Variants in RCAN2 observed in about 807,000 individuals in gnomAD.
RCAN2 encodes calcipressin-2.
A neutral mutation model predicts 23.6 loss-of-function variants in RCAN2; 9 were observed. That is an observed-to-expected ratio of 0.38 (90% CI 0.23 to 0.67). RCAN2 has a LOEUF of 0.67. Ranked by LOEUF, RCAN2 falls within the 30% of genes least tolerant of loss-of-function variation. The probability of loss-of-function intolerance (pLI) is 0.51; values close to 1 mark genes in which losing one functional copy is unlikely to be tolerated. For missense variants in RCAN2, 273 were observed against 302.3 expected, an observed-to-expected ratio of 0.90 and a Z score of 0.72; for synonymous variants, 109 against 115.7, an observed-to-expected ratio of 0.94 and a Z score of 0.37.
At chr6:46,265,893 A>G (rs1001448709) in intron 2 of RCAN2, among the ~76,000 whole-genome samples, 4 of 152,226 alleles carry the variant, frequency 2.6e-5, no homozygotes, top group African/African-American at 9.6e-5. Flanking sequence ...CCTGTAGCAC[A>G]TGAGCATATG....
chr6:46,276,768 C>T (rs1463210987), intron 2 of RCAN2, among the ~76,000 whole-genome samples: 4 of 152,222 alleles, frequency 2.6e-5, no homozygotes, highest in Admixed American at 2.6e-4. Context: ...CTCTGGACTG[C>T]ATTAAATCAT....
intron 2 of RCAN2, among the ~76,000 whole-genome samples, chr6:46,453,882 ACT>A (rs1382386340): frequency 6.6e-6 from 1 of 152,180 alleles, no homozygotes; most frequent in Non-Finnish European, 1.5e-5. Flanking sequence ...AAAAGAAAAG[ACT>A]CTGCCAAAAC....
chr6:46,474,038 G>A (rs1013373236), intron 1 of RCAN2, among the ~76,000 whole-genome samples: 2 of 152,090 alleles, frequency 1.3e-5, no homozygotes, highest in African/African-American at 4.8e-5. Context: ...GATTATGCAG[G>A]GACACCCAGG....
rs181925163 is a variant in RCAN2 at position 46,407,442 on chromosome 6, G to A, written c.225+49310C>T. On this transcript the variant is annotated intron_variant, in intron 2 of 4. Coordinates refer to ENST00000371374, the MANE Select transcript of RCAN2 (RefSeq NM_001251974.2). Reference sequence around the variant, plus strand: ...AACATTTTTAAAACAGTTGTTTTACGCAAGTCCCCATGGAAAATTCCAAGC... The same window carrying A: ...AACATTTTTAAAACAGTTGTTTTACACAAGTCCCCATGGAAAATTCCAAGC... 9.2e-5 allele frequency among the ~76,000 whole-genome samples: 14 copies of A among 152,244 alleles called. No homozygotes were observed. The South Asian group carries it at 2.1e-3, about 23-fold the overall frequency.
chr6:46,395,418 C>T (rs1027656425), intron 2 of RCAN2, among the ~76,000 whole-genome samples: 1 of 152,070 alleles, frequency 6.6e-6, no homozygotes, highest in African/African-American at 2.4e-5. Context: ...GACGAACAAC[C>T]CATGTGTCTA....
intron 2 of RCAN2, among the ~76,000 whole-genome samples, chr6:46,296,311 A>G (rs926931635): frequency 1.3e-5 from 2 of 151,872 alleles, no homozygotes; most frequent in Non-Finnish European, 2.9e-5. Flanking sequence ...GTGGAGGGTC[A>G]TTCACTAGAT....
chr6:46,230,035 G>T (rs960034530), intron 4 of RCAN2, among the ~76,000 whole-genome samples: 3 of 152,158 alleles, frequency 2.0e-5, no homozygotes, highest in African/African-American at 7.2e-5. Context: ...GAGTTTGCTG[G>T]AGGTCCACTC....
rs57335093 is a variant in RCAN2, at chr6:46,458,896, C to CGCGCGCGT, written c.-2-1919_-2-1918insACGCGCGC. The stretch of plus-strand genomic sequence containing the variant: ...TAGTTTACAGGAAAACGCGCGCGCA[C>CGCGCGCGT]GTGTGTGTGTGTGTGATGGAGTTTT... On this transcript the variant is annotated intron_variant, in intron 1 of 4. Coordinates refer to ENST00000371374, the MANE Select transcript of RCAN2 (RefSeq NM_001251974.2). 6.4e-4 allele frequency among the ~76,000 whole-genome samples: 96 copies of CGCGCGCGT among 150,134 alleles called. 1 individual carries two copies. Among genetic ancestry groups the CGCGCGCGT allele is most frequent in the African/African-American group, 1.2e-3 (48 of 40,404 alleles).
intron 2 of RCAN2, among the ~76,000 whole-genome samples, chr6:46,335,784 C>T (rs1345051936): frequency 6.6e-6 from 1 of 152,154 alleles, no homozygotes; most frequent in Non-Finnish European, 1.5e-5. Context: ...TGGTGTGATA[C>T]CTACCTCTGT....
intron 2 of RCAN2, among the ~76,000 whole-genome samples, chr6:46,249,746 C>T (rs951592622): frequency 6.6e-6 from 1 of 152,052 alleles, no homozygotes; most frequent in Middle Eastern, 3.2e-3. Flanking sequence ...AGAAAGCCCT[C>T]GAGTAATTTT....
chr6:46,402,071 G>GA (rs1766262307), intron 2 of RCAN2, among the ~76,000 whole-genome samples: 1 of 152,274 alleles, frequency 6.6e-6, no homozygotes, highest in Admixed American at 6.5e-5. Context: ...AACAGTGCTT[G>GA]TTATTTGGGA....
At chr6:46,256,609 G>A (rs1395436361) in intron 2 of RCAN2, among the ~76,000 whole-genome samples, 1 of 152,048 alleles carries the variant, frequency 6.6e-6, no homozygotes. Context: ...TACGGACACA[G>A]GTATTTATTG....
At position 46,286,706 on chromosome 6, in the gene RCAN2, G is replaced by GA. The variant is rs1264130756; in HGVS notation, c.226-37811dup. 3.9e-5 allele frequency among the ~76,000 whole-genome samples: 6 copies of GA among 152,250 alleles called. No homozygotes were observed. In the East Asian group the frequency reaches 1.2e-3, roughly 29 times the overall value. ...AAGAACAGACATGCCCAGGCAGTTA[G>GA]AAAGAGCACTTCAAGGCCGGGAGTG... is the stretch of plus-strand genomic sequence containing the variant. On this transcript the variant is annotated intron_variant, in intron 2 of 4. Transcript: ENST00000371374.
In RCAN2 at chr6:46,246,813, G is replaced by T; in HGVS notation, c.506C>A (p.Pro169His). 6.2e-7 allele frequency: 1 copy of T among 1,613,614 alleles called. No individual in the cohort carries two copies. The highest frequency in any genetic ancestry group is 8.5e-7 in the Non-Finnish European group (1 of 1,179,800). Residue 169 changes from proline (P) to histidine (H), a missense_variant, in exon 4 of 5, where the codon CCC (proline) becomes CAC (histidine). By Grantham distance (77) the Pro-to-His change is moderately conservative. Transcript: ENST00000371374. ...GAGGACTGGCGTGGCATCGTTGATG[G>T]GCTGCCAGCCAACAGGTGGGGAGGA... Reference protein sequence around the residue: ...PPSSPPVGWQPINDATPVLNY... With the variant: ...PPSSPPVGWQHINDATPVLNY...
At chr6:46,455,905 A>AT (rs1768012114) in intron 2 of RCAN2, among the ~76,000 whole-genome samples, 1 of 151,506 alleles carries the variant, frequency 6.6e-6, no homozygotes, top group Non-Finnish European at 1.5e-5. Context: ...AGAAAAAAAA[A>AT]AGGCCCTTTA....
At chr6:46,247,438 C>T (rs1322805502) in intron 3 of RCAN2, among the ~76,000 whole-genome samples, 1 of 152,218 alleles carries the variant, frequency 6.6e-6, no homozygotes, top group Non-Finnish European at 1.5e-5. Flanking sequence ...GATCCAAGCT[C>T]TTTTCATCAC....
In RCAN2 at chr6:46,419,283, C is replaced by T. The variant is rs1036921137; in HGVS notation, c.225+37469G>A. On this transcript the variant is annotated intron_variant, in intron 2 of 4. Transcript: ENST00000371374. ...TTGTAAAGCATTTAATAGTATACCACTAGATAAGGCCCAACAACCTTTTTT... is the reference window on the plus strand; with the variant it reads ...TTGTAAAGCATTTAATAGTATACCATTAGATAAGGCCCAACAACCTTTTTT... Among the ~76,000 whole-genome samples, 3 of 152,158 alleles carry T rather than the reference C, an allele frequency of 2.0e-5. No homozygotes were observed. In the East Asian group the frequency reaches 5.8e-4, roughly 29 times the overall value.
At chr6:46,473,381 G>A (rs1310533783) in intron 1 of RCAN2, among the ~76,000 whole-genome samples, 1 of 151,956 alleles carries the variant, frequency 6.6e-6, no homozygotes, top group Non-Finnish European at 1.5e-5. Flanking sequence ...CTCATACCTA[G>A]CATATAATAG....
chr6:46,339,746 C>T (rs1460785076), intron 2 of RCAN2, among the ~76,000 whole-genome samples: 1 of 151,982 alleles, frequency 6.6e-6, no homozygotes, highest in Non-Finnish European at 1.5e-5. Context: ...GATCTTTGTA[C>T]TAAGTAAATA....
Sources: gnomAD v4.1 joint callset for allele counts (sites outside exome capture counted in the v4.1 genomes callset) on GRCh38, gnomAD v4.1.1 for gene constraint, MANE v1.5 for transcripts, NCBI Gene and HGNC (gene_info 2026-07-23, HGNC 2026-07-21) for gene names.